KDM4C: variants seen among roughly 807,000 people sequenced by gnomAD.
KDM4C encodes lysine demethylase 4C.
Under a neutral mutation model 129.3 loss-of-function variants are expected in KDM4C, and 81 were observed. The observed-to-expected ratio is 0.63, with a 90% confidence interval of 0.52 to 0.75. KDM4C has a LOEUF of 0.75. Among genes scored for constraint, KDM4C ranks in the 30% least tolerant of loss-of-function variants. KDM4C has a pLI of 0.00. For missense variants in KDM4C, 1,457 were observed against 1,304.0 expected, an observed-to-expected ratio of 1.12 and a Z score of -1.81; for synonymous variants, 573 against 456.1, an observed-to-expected ratio of 1.26 and a Z score of -3.26.
chr9:7,003,246 A>C (rs1210706128), intron 12 of KDM4C, among the ~76,000 whole-genome samples: 1 of 152,196 alleles, frequency 6.6e-6, no homozygotes, highest in East Asian at 1.9e-4. Context: ...TAAATGTCTG[A>C]TTATAGCCAG....
intron 15 of KDM4C, among the ~76,000 whole-genome samples, chr9:7,044,507 G>C (rs1478375787): frequency 6.6e-6 from 1 of 151,998 alleles, no homozygotes; most frequent in African/African-American, 2.4e-5. Context: ...TGATGATGGA[G>C]AGAACAGGGT....
intron 5 of KDM4C, among the ~76,000 whole-genome samples, chr9:6,864,729 C>G (rs1402009744): frequency 2.0e-5 from 3 of 151,674 alleles, no homozygotes; most frequent in Non-Finnish European, 4.4e-5. Context: ...CTACTCCTTG[C>G]TCTTGCTCAG....
At chr9:7,125,000 G>C (rs1839887015) in intron 18 of KDM4C, among the ~76,000 whole-genome samples, 1 of 152,076 alleles carries the variant, frequency 6.6e-6, no homozygotes, top group Admixed American at 6.5e-5. Context: ...CCAGCCCCTT[G>C]TCTATGGCCA....
At chr9:6,779,562 G>A (rs1823870866) in intron 1 of KDM4C, among the ~76,000 whole-genome samples, 1 of 152,182 alleles carries the variant, frequency 6.6e-6, no homozygotes. Flanking sequence ...CTTGGACCCT[G>A]ATCTTCTGTT....
At position 6,875,126 on chromosome 9, in the gene KDM4C, C is replaced by T. The variant is rs144123935; in HGVS notation, c.630-4886C>T. On this transcript the variant is annotated intron_variant, in intron 5 of 21. Transcript: ENST00000381309. ...TGCTTTCGTGATTTTTTCATCTTCC[C>T]GTTTCCTTCCTCTTCTCCAGGACTT... 5.8e-3 allele frequency among the ~76,000 whole-genome samples: 883 copies of T among 152,188 alleles called. 4 individuals carry two copies. The highest frequency in any genetic ancestry group is 0.01 in the Middle Eastern group (3 of 294).
chr9:6,986,760 C>A, intron 11 of KDM4C, 94 bp downstream of exon 11: 1 of 855,168 alleles, frequency 1.2e-6, no homozygotes. Context: ...TCCTTTAGGG[C>A]ACAGATAAAT....
At chr9:7,156,196 T>C (rs1473299234) in intron 19 of KDM4C, among the ~76,000 whole-genome samples, 5 of 152,240 alleles carry the variant, frequency 3.3e-5, no homozygotes, top group African/African-American at 1.2e-4. Context: ...CACTTTTTGA[T>C]GAGGTTGTTT....
rs1817694602 is a variant in KDM4C, at chr9:6,986,344, G to T, written c.1355G>T (p.Gly452Val). Residue 452 changes from glycine to valine, a missense_variant and splice_region_variant, in exon 11 of 22, where the codon GGA becomes GTA. Gly to Val is a moderately radical substitution (Grantham distance 109). Coordinates refer to ENST00000381309, the MANE Select transcript of KDM4C (RefSeq NM_015061.6). ...TAACAGTCTTCTGTTTTATCCTCAG[G>T]AAACAGCTGCTTAAGTACATCTGTA... ...QNLSDHIKLS[G>V]NSCLSTSVTE... 1.2e-6 allele frequency: 2 copies of T among 1,601,896 alleles called. No homozygotes were observed. Among genetic ancestry groups the T allele is most frequent in the Non-Finnish European group, 1.7e-6 (2 of 1,170,922 alleles).
At chr9:7,152,566 G>C (rs926390861) in intron 19 of KDM4C, among the ~76,000 whole-genome samples, 2 of 152,220 alleles carry the variant, frequency 1.3e-5, no homozygotes, top group South Asian at 4.1e-4. Flanking sequence ...AGGAGTTAGT[G>C]TTTAATGAGT....
intron 15 of KDM4C, among the ~76,000 whole-genome samples, chr9:7,033,656 C>G (rs1364228729): frequency 6.6e-6 from 1 of 152,172 alleles, no homozygotes; most frequent in Non-Finnish European, 1.5e-5. Context: ...CAATAACACC[C>G]CCCACCTCTG....
intron 17 of KDM4C, among the ~76,000 whole-genome samples, chr9:7,064,594 G>A: frequency 6.6e-6 from 1 of 152,184 alleles, no homozygotes; most frequent in East Asian, 1.9e-4. Flanking sequence ...CTGGGTGATT[G>A]GTCCTGCAAC....
At position 6,843,502 on chromosome 9, in the gene KDM4C, A is replaced by G. The variant is rs74469012; in HGVS notation, c.436-6005A>G. On this transcript the variant is annotated intron_variant, in intron 4 of 21. Coordinates refer to ENST00000381309, the MANE Select transcript of KDM4C (RefSeq NM_015061.6). ...CTGCTAGGAATAATGTATTTTCTTG[A>G]AAACAGTTTCAGTGAAAGACTGGAC... Among the ~76,000 whole-genome samples the G allele has an allele frequency of 2.6e-5, 4 of 152,188 alleles. No individual in the cohort carries two copies. In the East Asian group the frequency reaches 7.7e-4, roughly 29 times the overall value.
At chr9:6,973,477 A>T (rs1418809708) in intron 8 of KDM4C, among the ~76,000 whole-genome samples, 1 of 152,256 alleles carries the variant, frequency 6.6e-6, no homozygotes, top group African/African-American at 2.4e-5. Flanking sequence ...GGAGACATGT[A>T]ATCAGAGTAC....
At chr9:6,994,049 G>A (rs751298794) in intron 12 of KDM4C, among the ~76,000 whole-genome samples, 1 of 152,140 alleles carries the variant, frequency 6.6e-6, no homozygotes, top group Non-Finnish European at 1.5e-5. Flanking sequence ...GGTGGGGATG[G>A]TTTTGGGATA....
At chr9:6,786,343 G>T (rs1825493252) in intron 1 of KDM4C, among the ~76,000 whole-genome samples, 1 of 152,098 alleles carries the variant, frequency 6.6e-6, no homozygotes, top group South Asian at 2.1e-4. Context: ...GTTAGTGCTG[G>T]ACTTTATTCA....
At chr9:6,735,151 C>T (rs982372028) in intron 1 of KDM4C, 2 of 230,708 alleles carry the variant, frequency 8.7e-6, no homozygotes, top group African/African-American at 4.6e-5. Flanking sequence ...TGTCCCCGCC[C>T]CCACCCCCCA....
At chr9:6,902,624 T>C (rs1817600456) in intron 8 of KDM4C, 1 of 152,068 alleles carries the variant, frequency 6.6e-6, no homozygotes, top group Non-Finnish European at 1.5e-5. Context: ...CAAGTACATA[T>C]TTAGGAAGTG....
At chr9:7,104,054 T>G (rs1056366859) in intron 18 of KDM4C, 184 bp downstream of exon 18, 39 of 586,572 alleles carry the variant, frequency 6.6e-5, no homozygotes, top group Admixed American at 1.8e-4. Context: ...CTAGGACCTG[T>G]CAAGTGCCTG....
At chr9:6,922,901 G>C (rs996465494) in intron 8 of KDM4C, among the ~76,000 whole-genome samples, 3 of 152,224 alleles carry the variant, frequency 2.0e-5, no homozygotes, top group Admixed American at 2.0e-4. Context: ...CACTTAAACT[G>C]TGCGTTAGCT....
Sources: allele counts gnomAD v4.1 joint callset (sites outside exome capture counted in the v4.1 genomes callset), GRCh38; gene constraint gnomAD v4.1.1; transcripts MANE v1.5; gene names NCBI Gene and HGNC (gene_info 2026-07-23, HGNC 2026-07-21).